The following GLIS3 variants were observed in gnomAD, a reference collection of about 807,000 sequenced individuals.
The protein encoded by GLIS3 is zinc finger protein GLIS3.
GLIS3 carries 53 observed loss-of-function variants against 78.6 expected under a neutral mutation model. That is an observed-to-expected ratio of 0.67 (90% CI 0.54 to 0.85). GLIS3 has a LOEUF of 0.85. Ranked by LOEUF, GLIS3 falls within the 40% of genes least tolerant of loss-of-function variation. GLIS3 has a pLI of 0.00. For synonymous variants in GLIS3, 684 were observed against 509.9 expected (o/e 1.34, Z -4.60); for missense variants, 1,703 against 1,231.1 (o/e 1.38, Z -5.74).
chr9:4,020,782 A>G (rs572580572), intron 4 of GLIS3, among the ~76,000 whole-genome samples: 38 of 152,344 alleles, frequency 2.5e-4, no homozygotes, highest in African/African-American at 9.1e-4. Context: ...AACAAAGCAA[A>G]TAATTACCAG....
rs548934971 is a variant in GLIS3 at position 3,995,740 on chromosome 9, T to C, written c.1711-58551A>G. On this transcript the variant is annotated intron_variant, in intron 4 of 10. Coordinates refer to ENST00000381971, the MANE Select transcript of GLIS3 (RefSeq NM_001042413.2). ...CTTAGCGACTTTGAAAATGGTTGTG[T>C]ATAAATTAAGTGGAATGCAGCAAAG... is the stretch of plus-strand genomic sequence containing the variant. Among the ~76,000 whole-genome samples, 19 of 152,214 alleles carry C rather than the reference T, an allele frequency of 1.2e-4. No homozygotes were observed. The South Asian group carries it at 3.1e-3, about 25-fold the overall frequency.
At chr9:3,832,274 TATA>T (rs955461788) in intron 9 of GLIS3, among the ~76,000 whole-genome samples, 51 of 151,658 alleles carry the variant, frequency 3.4e-4, no homozygotes, top group African/African-American at 1.0e-3. Flanking sequence ...AAAATTATTT[TATA>T]ATGACTGTAT....
intron 4 of GLIS3, among the ~76,000 whole-genome samples, chr9:4,055,522 T>C (rs1826072633): frequency 6.6e-6 from 1 of 152,130 alleles, no homozygotes; most frequent in Admixed American, 6.6e-5. Flanking sequence ...TTAAAATATG[T>C]CATTACACTG....
chr9:4,011,501 G>T lies in GLIS3; in HGVS notation c.1711-74312C>A, dbSNP rs115762362. 1.4e-3 allele frequency among the ~76,000 whole-genome samples: 213 copies of T among 152,298 alleles called. 1 individual carries two copies. The highest frequency in any genetic ancestry group is 4.8e-3 in the African/African-American group (200 of 41,554). ...GAACAGATGTTGGACTGTGTGGTGT[G>T]CACGGTACCCTCATTGATTCACAGA... On this transcript the variant is annotated intron_variant, in intron 4 of 10. Transcript: ENST00000381971.
chr9:4,119,124 C>T lies in GLIS3; in HGVS notation c.597-243G>A, dbSNP rs58802926. ...TCACTGAAATAATGTAACAAAAGAT[C>T]TATTGTTATAAATAATCTTAATACT... On this transcript the variant is annotated intron_variant, in intron 3 of 10. Transcript: ENST00000381971. Among the ~76,000 whole-genome samples, 2,479 of 152,206 alleles carry T rather than the reference C, an allele frequency of 0.016. 72 individuals are homozygous for T. The highest frequency in any genetic ancestry group is 0.056 in the African/African-American group (2,331 of 41,516).
intron 6 of GLIS3, among the ~76,000 whole-genome samples, chr9:3,926,292 G>GCAAT (rs1245165485): frequency 6.9e-6 from 1 of 145,396 alleles, no homozygotes; most frequent in Non-Finnish European, 1.5e-5. Flanking sequence ...GTGCAGTGGT[G>GCAAT]CAATCTCTGC....
At chr9:3,934,553 G>A (rs1825790519) in intron 5 of GLIS3, among the ~76,000 whole-genome samples, 2 of 152,248 alleles carry the variant, frequency 1.3e-5, no homozygotes, top group African/African-American at 4.8e-5. Context: ...GGAATTACAG[G>A]CATGTGCCAC....
At chr9:4,216,653 T>A (rs1017135737) in intron 2 of GLIS3, among the ~76,000 whole-genome samples, 2 of 152,116 alleles carry the variant, frequency 1.3e-5, no homozygotes, top group African/African-American at 2.4e-5. Flanking sequence ...CCTAGTTGCT[T>A]CTTGTTTTAA....
the GLIS3 span, chr9:4,490,387 C>T: frequency 4.7e-6 from 1 of 211,162 alleles, no homozygotes. Context: ...CCGGGCCTGC[C>T]GCTCCTCCCT....
intron 4 of GLIS3, among the ~76,000 whole-genome samples, chr9:4,088,303 G>A (rs1829215214): frequency 6.6e-6 from 1 of 152,204 alleles, no homozygotes; most frequent in Non-Finnish European, 1.5e-5. Flanking sequence ...AGTCCTGTGG[G>A]TCTAGCCCAA....
At chr9:4,232,126 C>T (rs1032191736) in intron 2 of GLIS3, among the ~76,000 whole-genome samples, 8 of 152,034 alleles carry the variant, frequency 5.3e-5, no homozygotes, top group African/African-American at 1.9e-4. Context: ...ACCTGTAATG[C>T]CAGCACTTTG....
At chr9:3,895,138 A>C (rs996712937) in intron 7 of GLIS3, among the ~76,000 whole-genome samples, 4 of 152,230 alleles carry the variant, frequency 2.6e-5, no homozygotes, top group African/African-American at 9.6e-5. Flanking sequence ...AGACTCACCA[A>C]ATATGGGCTT....
At chr9:4,007,103 G>A (rs977793732) in intron 4 of GLIS3, among the ~76,000 whole-genome samples, 1 of 152,192 alleles carries the variant, frequency 6.6e-6, no homozygotes, top group African/African-American at 2.4e-5. Context: ...CTTTCTAGAA[G>A]AAAAGACTAA....
At chr9:4,373,856 CG>C in the GLIS3 span, among the ~76,000 whole-genome samples, 1 of 151,866 alleles carries the variant, frequency 6.6e-6, no homozygotes, top group African/African-American at 2.4e-5. Context: ...TTAGTAGAGA[CG>C]GGGTTTTACC....
the GLIS3 span, among the ~76,000 whole-genome samples, chr9:4,407,705 T>C: frequency 1.3e-5 from 2 of 152,186 alleles, no homozygotes; most frequent in African/African-American, 2.4e-5. Flanking sequence ...AACATTGGTC[T>C]GGGCAAGAAT....
chr9:4,473,777 T>C, the GLIS3 span, among the ~76,000 whole-genome samples: 2 of 152,008 alleles, frequency 1.3e-5, no homozygotes, highest in South Asian at 4.2e-4. Context: ...ACCCCTAAAC[T>C]TAAAAGTTAA....
In GLIS3 at chr9:4,012,765, CTT is replaced by C. The variant is rs71324278; in HGVS notation, c.1711-75578_1711-75577del. Among the ~76,000 whole-genome samples the C allele has an allele frequency of 6.1e-3, 403 of 66,474 alleles. 2 individuals carry two copies. The highest frequency in any genetic ancestry group is 0.021 in the African/African-American group (388 of 18,206). The allele number at this position is 66,474 out of a possible 152,430, so 43.6% of individuals were successfully genotyped here. A position where few individuals can be genotyped will look rare whatever the true frequency, so the allele number is the denominator to read the frequency against. ...TCTCTGGTTTCTTTTTTTTCTTTTTCTTTTTTTTTTTTTTTTTTTTTTTTGAG... is the reference window on the plus strand; with the variant it reads ...TCTCTGGTTTCTTTTTTTTCTTTTTCTTTTTTTTTTTTTTTTTTTTTTGAG... On this transcript the variant is annotated intron_variant, in intron 4 of 10. Transcript: ENST00000381971.
At chr9:3,897,596 G>A (rs1329641998) in intron 7 of GLIS3, among the ~76,000 whole-genome samples, 1 of 152,174 alleles carries the variant, frequency 6.6e-6, no homozygotes, top group Non-Finnish European at 1.5e-5. Flanking sequence ...CAGAGGCTAT[G>A]TTGTCCCCAA....
chr9:4,076,290 T>C (rs970094660), intron 4 of GLIS3, among the ~76,000 whole-genome samples: 1 of 152,160 alleles, frequency 6.6e-6, no homozygotes, highest in African/African-American at 2.4e-5. Flanking sequence ...CGGAGTAACA[T>C]AATTGCAAAA....
Sources: allele counts gnomAD v4.1 joint callset (sites outside exome capture counted in the v4.1 genomes callset), GRCh38; gene constraint gnomAD v4.1.1; transcripts MANE v1.5; gene names NCBI Gene and HGNC (gene_info 2026-07-23, HGNC 2026-07-21).